Variants in ATP9A observed in about 807,000 individuals in gnomAD.
ATP9A encodes probable phospholipid-transporting ATPase IIA.
In ATP9A, 52 loss-of-function variants were observed where a neutral mutation model predicts 144.1. The observed-to-expected ratio is 0.36, with a 90% CI of 0.29 to 0.45. The LOEUF (loss-of-function observed/expected upper bound fraction) is 0.45. Ranked by LOEUF, ATP9A falls within the 20% of genes least tolerant of loss-of-function variation. ATP9A has a pLI of 1.00. For missense variants in ATP9A, 947 were observed against 1,392.7 expected (o/e 0.68, Z 5.09); for synonymous variants, 582 against 557.4 (o/e 1.04, Z -0.62).
At chr20:51,694,934 G>A (rs2077564161) in intron 6 of ATP9A, among the ~76,000 whole-genome samples, 1 of 152,048 alleles carries the variant, frequency 6.6e-6, no homozygotes, top group Non-Finnish European at 1.5e-5. Context: ...TCACTAAATA[G>A]GACACAAGAA....
rs995135455 is a variant in ATP9A at position 51,672,100 on chromosome 20, G to A, written c.1038-843C>T. The stretch of plus-strand genomic sequence containing the variant: ...CAGACGTGAGCCACCACGCCTGGCC[G>A]GAATTTAACTACCTTAGACACTGCA... On this transcript the variant is annotated intron_variant, in intron 11 of 27. Transcript: ENST00000338821. Among the ~76,000 whole-genome samples, 7 of 151,912 alleles carry A rather than the reference G, an allele frequency of 4.6e-5. No homozygotes were observed. The South Asian group carries it at 6.2e-4, about 14-fold the overall frequency.
chr20:51,724,665 C>T lies in ATP9A; in HGVS notation c.327+1154G>A, dbSNP rs189859953. Among the ~76,000 whole-genome samples, 694 of 152,314 alleles carry T rather than the reference C, an allele frequency of 4.6e-3. 3 individuals carry two copies. The highest frequency in any genetic ancestry group is 7.2e-3 in the Non-Finnish European group (492 of 68,034). On this transcript the variant is annotated intron_variant, in intron 3 of 27. Coordinates refer to ENST00000338821, the MANE Select transcript of ATP9A (RefSeq NM_006045.3). ...CCCACAGGGCAGAAATATTTGTCTA[C>T]TCTGTTCATTGCTGCACCCCCAGAA...
chr20:51,738,345 A>T (rs1179011830), intron 1 of ATP9A, among the ~76,000 whole-genome samples: 1 of 152,144 alleles, frequency 6.6e-6, no homozygotes, highest in Non-Finnish European at 1.5e-5. Context: ...AAATTTTTTA[A>T]AAAGTAAGCA....
chr20:51,746,852 A>G (rs893896489), intron 1 of ATP9A, among the ~76,000 whole-genome samples: 2 of 151,986 alleles, frequency 1.3e-5, no homozygotes, highest in South Asian at 2.1e-4. Context: ...AAACAAAAAC[A>G]AAAATCAATC....
At chr20:51,750,495 A>C (rs950033745) in intron 1 of ATP9A, among the ~76,000 whole-genome samples, 2 of 152,188 alleles carry the variant, frequency 1.3e-5, no homozygotes, top group African/African-American at 4.8e-5. Flanking sequence ...AATTCCAGAA[A>C]ACAGGACAGA....
chr20:51,633,567 G>C (rs1001549012), intron 15 of ATP9A, among the ~76,000 whole-genome samples: 1 of 152,114 alleles, frequency 6.6e-6, no homozygotes, highest in Admixed American at 6.6e-5. Flanking sequence ...GCAACACAGA[G>C]AGACTTTGGC....
Position 51,620,049 on chromosome 20 carries a change from C to T in ATP9A, c.2116-1006G>A, listed in dbSNP as rs563532493. On this transcript the variant is annotated intron_variant, in intron 19 of 27. Transcript: ENST00000338821. Reference sequence around the variant, plus strand: ...ACATCTGCTAACCTGACTAAAGGCACATGGCTAGTATGCTGTAGCCCAGGT... The same window carrying T: ...ACATCTGCTAACCTGACTAAAGGCATATGGCTAGTATGCTGTAGCCCAGGT... 4.6e-5 allele frequency among the ~76,000 whole-genome samples: 7 copies of T among 152,274 alleles called. No individual in the cohort carries two copies. In the South Asian group the frequency reaches 8.3e-4, roughly 18 times the overall value.
intron 26 of ATP9A, among the ~76,000 whole-genome samples, chr20:51,606,354 ATGTAT>A (rs764189145): frequency 1.3e-5 from 2 of 152,212 alleles, no homozygotes; most frequent in African/African-American, 2.4e-5. Context: ...ATCATTTCAC[ATGTAT>A]ATTATATGTA....
chr20:51,673,082 T>TA (rs1266796861), intron 11 of ATP9A, among the ~76,000 whole-genome samples: 1 of 152,012 alleles, frequency 6.6e-6, no homozygotes, highest in Non-Finnish European at 1.5e-5. Flanking sequence ...TATATCACTT[T>TA]AAAAAACCAG....
intron 1 of ATP9A, among the ~76,000 whole-genome samples, chr20:51,754,400 G>A (rs894507045): frequency 2.0e-5 from 3 of 152,142 alleles, no homozygotes; most frequent in Non-Finnish European, 4.4e-5. Context: ...CTACGCAGGA[G>A]GCTGAGGCAG....
intron 15 of ATP9A, among the ~76,000 whole-genome samples, chr20:51,637,306 T>A (rs1425653997): frequency 3.3e-5 from 3 of 89,980 alleles, no homozygotes; most frequent in African/African-American, 4.1e-5. Flanking sequence ...TCCCTAACAT[T>A]AAAAAAAAAA....
At chr20:51,693,031 C>T (rs767128173) in intron 7 of ATP9A, among the ~76,000 whole-genome samples, 31 of 152,190 alleles carry the variant, frequency 2.0e-4, no homozygotes, top group Non-Finnish European at 2.9e-4. Context: ...CCACTTCATC[C>T]TTCCAGACCA....
chr20:51,691,796 A>G (rs985512327), intron 7 of ATP9A, among the ~76,000 whole-genome samples: 8 of 152,226 alleles, frequency 5.3e-5, no homozygotes, highest in Non-Finnish European at 8.8e-5. Context: ...CTGTCCACCC[A>G]TGTACGTAGC....
At chr20:51,609,867 A>G (rs892582011) in intron 24 of ATP9A, among the ~76,000 whole-genome samples, 1 of 152,226 alleles carries the variant, frequency 6.6e-6, no homozygotes, top group Non-Finnish European at 1.5e-5. Context: ...GGCAAAGTGC[A>G]ACACACCACA....
chr20:51,693,856 C>T, intron 7 of ATP9A, 152 bp downstream of exon 7: 1 of 642,302 alleles, frequency 1.6e-6, no homozygotes, highest in Non-Finnish European at 2.7e-6. Flanking sequence ...GTCAGGAAAG[C>T]CAACTAGGCC....
chr20:51,742,186 C>T (rs887175293), intron 1 of ATP9A, among the ~76,000 whole-genome samples: 1 of 151,860 alleles, frequency 6.6e-6, no homozygotes, highest in African/African-American at 2.4e-5. Flanking sequence ...ATTAGCCAGG[C>T]ATGGTGGACA....
intron 9 of ATP9A, among the ~76,000 whole-genome samples, chr20:51,681,861 C>T (rs757508767): frequency 2.6e-5 from 4 of 152,132 alleles, no homozygotes; most frequent in Non-Finnish European, 5.9e-5. Flanking sequence ...AAAAGGAGGA[C>T]GGAAGGAGAG....
At chr20:51,726,051 C>A (rs918225488) in intron 2 of ATP9A, 119 bp from the exon 3 acceptor site, 28 of 677,204 alleles carry the variant, frequency 4.1e-5, no homozygotes, top group African/African-American at 7.2e-5. Flanking sequence ...TGGTGGTTCA[C>A]GCCTATAATC....
At chr20:51,685,609 G>A (rs997657488) in intron 9 of ATP9A, among the ~76,000 whole-genome samples, 2 of 151,852 alleles carry the variant, frequency 1.3e-5, no homozygotes, top group African/African-American at 2.4e-5. Flanking sequence ...AAACAGACAC[G>A]AAAAAATGCT....
Sources: gnomAD v4.1 joint callset for allele counts (sites outside exome capture counted in the v4.1 genomes callset) on GRCh38, gnomAD v4.1.1 for gene constraint, MANE v1.5 for transcripts, NCBI Gene and HGNC (gene_info 2026-07-23, HGNC 2026-07-21) for gene names.